Variants in PTPRD observed in about 807,000 individuals in gnomAD.
The protein encoded by PTPRD is protein tyrosine phosphatase receptor type D, also known as receptor-type tyrosine-protein phosphatase delta.
Under a neutral mutation model 214.5 loss-of-function variants are expected in PTPRD, and 34 were observed. The observed-to-expected ratio is 0.16, with a 90% CI of 0.12 to 0.21. The LOEUF (loss-of-function observed/expected upper bound fraction) is 0.21. PTPRD is among the 10% of genes least tolerant of loss of function. The probability of loss-of-function intolerance (pLI) is 1.00; values close to 1 mark genes in which losing one functional copy is unlikely to be tolerated. For synonymous variants in PTPRD, 1,128 were observed against 845.7 expected, an observed-to-expected ratio of 1.33 and a Z score of -5.79; for missense variants, 2,545 against 2,398.7, an observed-to-expected ratio of 1.06 and a Z score of -1.27.
chr9:9,347,544 C>A (rs866499810), intron 9 of PTPRD, among the ~76,000 whole-genome samples: 12 of 151,952 alleles, frequency 7.9e-5, no homozygotes, highest in Admixed American at 7.9e-4. Flanking sequence ...GTTTCTGTTT[C>A]ACTTATAAAT....
At chr9:8,417,054 CA>C (rs1224412364) in intron 35 of PTPRD, among the ~76,000 whole-genome samples, 3 of 151,824 alleles carry the variant, frequency 2.0e-5, no homozygotes, top group African/African-American at 7.3e-5. Context: ...AAACTGTGGA[CA>C]GTAAGGAAAA....
chr9:10,014,080 G>A (rs1009457126), intron 4 of PTPRD, among the ~76,000 whole-genome samples: 1 of 151,850 alleles, frequency 6.6e-6, no homozygotes, highest in Non-Finnish European at 1.5e-5. Context: ...TCCATTTTCA[G>A]TTGCCAACTA....
chr9:8,749,120 T>G (rs2093241145), intron 11 of PTPRD, among the ~76,000 whole-genome samples: 1 of 152,132 alleles, frequency 6.6e-6, no homozygotes, highest in African/African-American at 2.4e-5. Flanking sequence ...GTTCTATAAT[T>G]CTTTTCCTAG....
intron 2 of PTPRD, among the ~76,000 whole-genome samples, chr9:10,431,568 T>G (rs1766491062): frequency 6.6e-6 from 1 of 151,082 alleles, no homozygotes; most frequent in Admixed American, 6.6e-5. Context: ...GAATCTACAA[T>G]GAACTCAAAC....
chr9:10,074,278 G>C (rs949989451), intron 3 of PTPRD, among the ~76,000 whole-genome samples: 1 of 152,094 alleles, frequency 6.6e-6, no homozygotes, highest in Non-Finnish European at 1.5e-5. Flanking sequence ...ATAGTGGCCT[G>C]AGAATGTTTA....
chr9:9,896,318 T>C (rs2074966531), intron 5 of PTPRD, among the ~76,000 whole-genome samples: 1 of 152,074 alleles, frequency 6.6e-6, no homozygotes, highest in African/African-American at 2.4e-5. Context: ...TGGACAAAGA[T>C]TAAGATTCAG....
intron 5 of PTPRD, among the ~76,000 whole-genome samples, chr9:9,902,744 A>G (rs769676567): frequency 5.9e-5 from 9 of 152,272 alleles, no homozygotes; most frequent in African/African-American, 2.2e-4. Context: ...CCTTAGATAC[A>G]TAGATAAAAC....
chr9:8,777,282 G>T (rs1330050825), intron 11 of PTPRD, among the ~76,000 whole-genome samples: 1 of 151,904 alleles, frequency 6.6e-6, no homozygotes, highest in Non-Finnish European at 1.5e-5. Flanking sequence ...AAACTAGTAT[G>T]CTTAAGAATG....
intron 5 of PTPRD, among the ~76,000 whole-genome samples, chr9:9,909,569 G>C (rs567902834): frequency 2.3e-4 from 35 of 151,940 alleles, no homozygotes; most frequent in African/African-American, 8.2e-4. Context: ...CACTATCTTA[G>C]ACATCACTGT....
At chr9:9,124,942 G>A (rs1236072252) in intron 10 of PTPRD, among the ~76,000 whole-genome samples, 2 of 152,046 alleles carry the variant, frequency 1.3e-5, no homozygotes, top group East Asian at 1.9e-4. Flanking sequence ...TTGTTAACTC[G>A]TTATAACAAG....
At chr9:9,294,371 T>A (rs75206334) in intron 9 of PTPRD, among the ~76,000 whole-genome samples, 2 of 151,886 alleles carry the variant, frequency 1.3e-5, no homozygotes, top group East Asian at 3.9e-4. Context: ...TAGGCTAATA[T>A]GAGTTCATAC....
chr9:9,135,869 G>C (rs1054642843), intron 10 of PTPRD, among the ~76,000 whole-genome samples: 2 of 149,826 alleles, frequency 1.3e-5, no homozygotes, highest in East Asian at 4.1e-4. Context: ...CATCCCTCTT[G>C]TTCTTCAAAA....
chr9:9,962,296 G>A (rs1413366144), intron 4 of PTPRD, among the ~76,000 whole-genome samples: 1 of 148,792 alleles, frequency 6.7e-6, no homozygotes, highest in African/African-American at 2.5e-5. Flanking sequence ...TTGAGAAAGT[G>A]ATAACAGAAA....
intron 3 of PTPRD, among the ~76,000 whole-genome samples, chr9:10,332,216 T>C (rs2096763854): frequency 1.3e-5 from 2 of 151,844 alleles, no homozygotes; most frequent in Admixed American, 6.6e-5. Flanking sequence ...AAAGAAACTA[T>C]AATATTGCAG....
chr9:8,984,537 C>A (rs2099329603), intron 11 of PTPRD, among the ~76,000 whole-genome samples: 1 of 152,004 alleles, frequency 6.6e-6, no homozygotes, highest in Admixed American at 6.6e-5. Flanking sequence ...CAATAAATTC[C>A]TTGGGATGAG....
chr9:8,706,735 C>T (rs958034830), intron 12 of PTPRD, among the ~76,000 whole-genome samples: 3 of 152,184 alleles, frequency 2.0e-5, no homozygotes, highest in Non-Finnish European at 4.4e-5. Context: ...ACAATGAAAG[C>T]TAATTGCCAA....
chr9:10,424,536 G>C (rs1041367453), intron 2 of PTPRD, among the ~76,000 whole-genome samples: 1 of 151,902 alleles, frequency 6.6e-6, no homozygotes, highest in Non-Finnish European at 1.5e-5. Flanking sequence ...ACAGGGGAAA[G>C]TATCATGTGG....
intron 13 of PTPRD, among the ~76,000 whole-genome samples, chr9:8,635,781 A>C (rs1398901468): frequency 6.6e-6 from 1 of 152,086 alleles, no homozygotes; most frequent in African/African-American, 2.4e-5. Context: ...TAGCCCCTAA[A>C]ATTAAAGCTA....
intron 3 of PTPRD, among the ~76,000 whole-genome samples, chr9:10,113,815 C>A (rs1020181427): frequency 1.1e-4 from 16 of 152,122 alleles, no homozygotes; most frequent in Non-Finnish European, 2.4e-4. Context: ...TTCTAACAAG[C>A]TCTTAGGTTG....
Sources: gnomAD v4.1 joint callset for allele counts (sites outside exome capture counted in the v4.1 genomes callset) on GRCh38, gnomAD v4.1.1 for gene constraint, MANE v1.5 for transcripts, NCBI Gene and HGNC (gene_info 2026-07-23, HGNC 2026-07-21) for gene names.